Variants in TRMT2B observed in about 807,000 individuals in gnomAD.
TRMT2B encodes tRNA (uracil-5-)-methyltransferase homolog B.
TRMT2B carries 34 observed loss-of-function variants against 39.7 expected under a neutral mutation model. The ratio of observed to expected loss-of-function variants is 0.86; its 90% CI spans 0.65 to 1.14. The LOEUF (loss-of-function observed/expected upper bound fraction) is 1.14, where lower values mean the gene tolerates loss of function less well. Ranked by LOEUF, TRMT2B falls within the 50% of genes most tolerant of loss-of-function variation. The pLI is 0.00. For synonymous variants in TRMT2B, 132 were observed against 137.3 expected, an observed-to-expected ratio of 0.96 and a Z score of 0.27; for missense variants, 318 against 377.2, an observed-to-expected ratio of 0.84 and a Z score of 1.30.
chrX:100,993,682 A>G, the TRMT2B span, among the ~76,000 whole-genome samples: 3 of 111,779 alleles, frequency 2.7e-5, no homozygotes, highest in African/African-American at 9.8e-5. Context: ...TGTCAACCAA[A>G]TTTTCCTACA....
At position 101,037,627 on chromosome X, in the gene TRMT2B, T is replaced by C. The variant is rs182125366; in HGVS notation, c.438+290A>G. ...TTCTAAGGAGGTAATAGTGGAGTGG[T>C]TGATACAATGGAGTCTCTATCAGAT... On this transcript the variant is annotated intron_variant, in intron 5 of 13. Coordinates refer to ENST00000372936, the MANE Select transcript of TRMT2B (RefSeq NM_024917.6). The C allele has an allele frequency of 1.3e-3, 288 of 221,621 alleles. No individual in the cohort carries two copies. The Middle Eastern group carries it at 0.017, about 13-fold the overall frequency. 18.3% of individuals were successfully genotyped at this position (221,621 alleles called of 1,213,427 possible).
chrX:101,035,910 A>G (rs1248424808), intron 6 of TRMT2B, among the ~76,000 whole-genome samples: 3 of 111,887 alleles, frequency 2.7e-5, no homozygotes, highest in Non-Finnish European at 3.8e-5. Context: ...CCACAAATGC[A>G]CTATATGACG....
chrX:101,043,395 C>G (rs1439978751), intron 2 of TRMT2B, among the ~76,000 whole-genome samples: 1 of 111,550 alleles, frequency 9.0e-6, no homozygotes, highest in Non-Finnish European at 1.9e-5. Context: ...CATGGTGAAA[C>G]CCCGTCTCTA....
At chrX:100,999,106 T>C in the TRMT2B span, among the ~76,000 whole-genome samples, 2 of 112,365 alleles carry the variant, frequency 1.8e-5, no homozygotes, top group African/African-American at 3.2e-5. Flanking sequence ...CCTCCATGTA[T>C]CATGAATGTC....
chrX:100,976,991 T>C, the TRMT2B span, among the ~76,000 whole-genome samples: 2 of 112,840 alleles, frequency 1.8e-5, no homozygotes, highest in Non-Finnish European at 3.7e-5. Flanking sequence ...ACACTAGCTA[T>C]AAAACATTTT....
Position 101,019,272 on chromosome X carries a change from G to T in TRMT2B, c.1288+12C>A. 8.3e-7 allele frequency: 1 copy of T among 1,210,997 alleles called. No homozygotes were observed. Among genetic ancestry groups the T allele is most frequent in the Non-Finnish European group, 1.1e-6 (1 of 895,265 alleles). On this transcript the variant is annotated intron_variant, in intron 12 of 13. Transcript: ENST00000372936. The stretch of plus-strand genomic sequence containing the variant: ...CAATACTGGGAACATCAAAATAGCT[G>T]TTCATCCTTACGCAGTCCGGCACGG...
At chrX:101,049,612 G>A (rs763574530) in intron 2 of TRMT2B, among the ~76,000 whole-genome samples, 37 of 108,763 alleles carry the variant, frequency 3.4e-4, no homozygotes, top group Admixed American at 1.4e-3. Flanking sequence ...TGGCCAACAC[G>A]GTGAAACCCT....
the TRMT2B span, chrX:100,985,684 G>A: frequency 1.7e-6 from 2 of 1,210,033 alleles, no homozygotes; most frequent in Non-Finnish European, 2.2e-6. Flanking sequence ...CAGTAAGACA[G>A]ACCATTGCAT....
intron 11 of TRMT2B, 98 bp downstream of exon 11, chrX:101,020,389 G>T: frequency 1.5e-6 from 1 of 672,023 alleles, no homozygotes; most frequent in Non-Finnish European, 2.4e-6. Flanking sequence ...CCTCCCTGTG[G>T]GTCAGGGATA....
At chrX:101,002,814 C>G in the TRMT2B span, among the ~76,000 whole-genome samples, 1 of 108,901 alleles carries the variant, frequency 9.2e-6, no homozygotes, top group South Asian at 3.9e-4. Context: ...CTAATAAACA[C>G]AGACCGATTG....
chrX:100,993,524 TAGAGA>T, the TRMT2B span, among the ~76,000 whole-genome samples: 2 of 111,633 alleles, frequency 1.8e-5, no homozygotes, highest in Non-Finnish European at 3.8e-5. Flanking sequence ...TCTCAGCCAA[TAGAGA>T]AGAGAAAGTG....
chrX:100,983,383 G>A, the TRMT2B span, among the ~76,000 whole-genome samples: 14 of 109,557 alleles, frequency 1.3e-4, no homozygotes, highest in Admixed American at 5.8e-4. Context: ...TGAGACAGAC[G>A]TCTCGCTCTG....
intron 2 of TRMT2B, among the ~76,000 whole-genome samples, chrX:101,043,158 T>C (rs1361532350): frequency 9.1e-6 from 1 of 110,240 alleles, no homozygotes; most frequent in Non-Finnish European, 1.9e-5. Flanking sequence ...CCCAGCTACT[T>C]GGGAGGCTGA....
the TRMT2B span, among the ~76,000 whole-genome samples, chrX:100,993,482 A>G: frequency 1.8e-5 from 2 of 111,990 alleles, no homozygotes; most frequent in East Asian, 5.6e-4. Context: ...TGCACATTTT[A>G]TAACATGTGT....
intron 4 of TRMT2B, among the ~76,000 whole-genome samples, chrX:101,038,673 A>G (rs1316131114): frequency 8.9e-6 from 1 of 112,295 alleles, no homozygotes; most frequent in East Asian, 2.8e-4. Flanking sequence ...CCTGTGTTCT[A>G]CGTATACAGT....
chrX:101,002,758 A>G, the TRMT2B span, among the ~76,000 whole-genome samples: 1 of 104,811 alleles, frequency 9.5e-6, no homozygotes, highest in Non-Finnish European at 2.0e-5. Flanking sequence ...CAGCCTGGGA[A>G]ACAAGAGCAA....
At chrX:101,050,551 C>T (rs941727265) in intron 2 of TRMT2B, among the ~76,000 whole-genome samples, 3 of 108,799 alleles carry the variant, frequency 2.8e-5, no homozygotes, top group African/African-American at 1.0e-4. Flanking sequence ...ATGGAGAAAC[C>T]CTGTCTATAC....
At chrX:100,981,531 C>T in the TRMT2B span, among the ~76,000 whole-genome samples, 4 of 108,274 alleles carry the variant, frequency 3.7e-5, no homozygotes, top group Non-Finnish European at 7.7e-5. Flanking sequence ...AGGTGGGGTG[C>T]GGGGGCTCAT....
chrX:101,024,036 C>T (rs1040595368), intron 7 of TRMT2B, among the ~76,000 whole-genome samples: 4 of 110,529 alleles, frequency 3.6e-5, no homozygotes, highest in Non-Finnish European at 7.6e-5. Context: ...TTAGTAGACA[C>T]GAGGTTTCAC....
Sources: gnomAD v4.1 joint callset for allele counts (sites outside exome capture counted in the v4.1 genomes callset) on GRCh38, gnomAD v4.1.1 for gene constraint, MANE v1.5 for transcripts, NCBI Gene and HGNC (gene_info 2026-07-23, HGNC 2026-07-21) for gene names.